Variants in EIF3K observed in about 807,000 individuals in gnomAD.
The protein encoded by EIF3K is eIF-3 p28.
In EIF3K, 27 loss-of-function variants were observed where a neutral mutation model predicts 34.2. The ratio of observed to expected loss-of-function variants is 0.79; its 90% CI spans 0.58 to 1.09. EIF3K has a LOEUF of 1.09. EIF3K is among the 50% of genes least tolerant of loss of function. EIF3K has a pLI of 0.00. For synonymous variants in EIF3K, 105 were observed against 105.7 expected (o/e 0.99, Z 0.04); for missense variants, 232 against 275.4 (o/e 0.84, Z 1.11).
At chr19:38,620,503 G>A in intron 2 of EIF3K, 68 bp downstream of exon 2, 1 of 1,343,170 alleles carries the variant, frequency 7.4e-7, no homozygotes, top group Non-Finnish European at 1.1e-6. Flanking sequence ...CCAGTACAGG[G>A]CAAGGGGGTG....
intron 1 of EIF3K, among the ~76,000 whole-genome samples, chr19:38,619,819 G>A (rs1975800195): frequency 6.6e-6 from 1 of 152,214 alleles, no homozygotes; most frequent in South Asian, 2.1e-4. Context: ...ATCAGACAGC[G>A]GCAGATCATG....
Position 38,636,876 on chromosome 19 carries a change from T to G in EIF3K, c.626-13T>G. ...CCCTTCTCACCTTCAGTCTGGTCTC[T>G]CCTTCCCCACAGGTGTGTCCAGCAT... is the stretch of plus-strand genomic sequence containing the variant. On this transcript the variant is annotated splice_polypyrimidine_tract_variant and intron_variant, in intron 7 of 7. Coordinates refer to ENST00000248342, the MANE Select transcript of EIF3K (RefSeq NM_013234.4). The G allele has an allele frequency of 6.2e-7, 1 of 1,614,164 alleles. No homozygotes were observed. The highest frequency in any genetic ancestry group is 1.1e-5 in the South Asian group (1 of 91,086).
intron 1 of EIF3K, 30 bp downstream of exon 1, chr19:38,619,357 G>C (rs1231944158): frequency 1.2e-6 from 2 of 1,612,542 alleles, no homozygotes; most frequent in Non-Finnish European, 1.7e-6. Flanking sequence ...AAGCGCTCTG[G>C]CCAAGCGGGG....
intron 4 of EIF3K, chr19:38,632,156 C>T: frequency 4.9e-6 from 2 of 410,936 alleles, no homozygotes; most frequent in Non-Finnish European, 8.9e-6. Context: ...TGGCTCACCC[C>T]TGTAATCCCA....
intron 7 of EIF3K, chr19:38,635,425 CGTT>C (rs2144785536): frequency 2.4e-6 from 1 of 422,726 alleles, no homozygotes; most frequent in Non-Finnish European, 4.2e-6. Flanking sequence ...AGGCCTGTCT[CGTT>C]GGCCATCTTT....
At chr19:38,633,567 G>A (rs1199053268) in intron 6 of EIF3K, among the ~76,000 whole-genome samples, 11 of 151,596 alleles carry the variant, frequency 7.3e-5, no homozygotes, top group African/African-American at 2.4e-4. Context: ...GTGTGGTGGC[G>A]TGCACCTGTA....
chr19:38,622,354 G>A (rs1205775996), intron 2 of EIF3K, among the ~76,000 whole-genome samples: 1 of 152,274 alleles, frequency 6.6e-6, no homozygotes, highest in Middle Eastern at 3.4e-3. Context: ...TTTAAAGCTG[G>A]GCGTCCGGGG....
chr19:38,636,857 T>A, intron 7 of EIF3K, 32 bp from the exon 8 acceptor site: 1 of 1,614,134 alleles, frequency 6.2e-7, no homozygotes, highest in Non-Finnish European at 8.5e-7. Context: ...CCCGCCCTTC[T>A]CACCTTCAGT....
chr19:38,635,023 AC>A lies in EIF3K; in HGVS notation c.531del (p.Tyr177Ter). 6.2e-7 allele frequency: 1 copy of A among 1,614,130 alleles called. No homozygotes were observed. The highest frequency in any genetic ancestry group is 8.5e-7 in the Non-Finnish European group (1 of 1,180,040). ...CAGCTAAAGGTGTGGATGAGCAAAT[AC>A]GGCTGGAGTGCCGACGAGTCGGGGC... ...DSQLKVWMSK[Y>X]GWSADESGQI... On this transcript the variant is annotated frameshift_variant, in exon 7 of 8. Coordinates refer to ENST00000248342, the MANE Select transcript of EIF3K (RefSeq NM_013234.4). LOFTEE classifies it high-confidence loss of function.
rs773019189 is a variant in EIF3K, at chr19:38,620,331, C to T, written c.60-6C>T. 8.1e-6 allele frequency: 13 copies of T among 1,613,330 alleles called. No individual in the cohort carries two copies. In the Admixed American group the frequency reaches 1.0e-4, roughly 12 times the overall value. ...TCTGTGCTCACCTATCTTGATTCTC[C>T]TTTAGGTACAATCCTGAGAACCTGG... On this transcript the variant is annotated splice_region_variant and splice_polypyrimidine_tract_variant and intron_variant, in intron 1 of 7. Coordinates refer to ENST00000248342, the MANE Select transcript of EIF3K (RefSeq NM_013234.4).
chr19:38,634,674 A>C (rs1976150045), intron 6 of EIF3K, among the ~76,000 whole-genome samples: 1 of 152,210 alleles, frequency 6.6e-6, no homozygotes, highest in East Asian at 1.9e-4. Context: ...GGTTGTGGGA[A>C]AAGGTAGATA....
chr19:38,622,509 C>T (rs1052112671), intron 2 of EIF3K, among the ~76,000 whole-genome samples: 7 of 152,184 alleles, frequency 4.6e-5, no homozygotes, highest in Non-Finnish European at 7.3e-5. Context: ...AATAGAATAT[C>T]ACAAGGCAAG....
rs1975945386 is a variant in EIF3K, at chr19:38,626,109, T to C, written c.354+7T>C. ...CCATTTCCAGGCCTTCTGGGTAACT[T>C]CCCTGGGGTCCAGGGGCAGGGGAGA... On this transcript the variant is annotated splice_region_variant and intron_variant, in intron 4 of 7. Coordinates refer to ENST00000248342, the MANE Select transcript of EIF3K (RefSeq NM_013234.4). 6.2e-7 allele frequency: 1 copy of C among 1,613,866 alleles called. No homozygotes were observed. The highest frequency in any genetic ancestry group is 8.5e-7 in the Non-Finnish European group (1 of 1,179,822).
rs932846736 is a variant in EIF3K at position 38,624,319 on chromosome 19, C to T, written c.279+122C>T. 14 of 1,463,136 alleles carry T rather than the reference C, an allele frequency of 9.6e-6. No individual in the cohort carries two copies. In the East Asian group the frequency reaches 1.9e-4, roughly 20 times the overall value. The allele number at this position is 1,463,136 out of a possible 1,614,324, so 90.6% of individuals were successfully genotyped here. On this transcript the variant is annotated intron_variant, in intron 3 of 7. Coordinates refer to ENST00000248342, the MANE Select transcript of EIF3K (RefSeq NM_013234.4). The stretch of plus-strand genomic sequence containing the variant: ...ACAACAAGTGCCTGCTCTGGTCCAG[C>T]GTGGCAAGGTGCTGGACAGTGCTGG...
intron 2 of EIF3K, among the ~76,000 whole-genome samples, chr19:38,622,516 C>T (rs938918965): frequency 6.6e-6 from 1 of 152,094 alleles, no homozygotes; most frequent in African/African-American, 2.4e-5. Context: ...TATCACAAGG[C>T]AAGTGGAGGC....
At chr19:38,626,209 G>T (rs1258524969) in intron 4 of EIF3K, 107 bp downstream of exon 4, 2 of 1,033,704 alleles carry the variant, frequency 1.9e-6, no homozygotes, top group Non-Finnish European at 1.5e-6. Context: ...TTGGCGGTGG[G>T]CCCAGTGCTC....
In EIF3K at chr19:38,620,434, C is replaced by G; in HGVS notation, c.157C>G (p.Leu53Val). ...GGAAGCCAACCTGGCTGTCCTGAAG[C>G]TGTAAGTGTCTAGCTCTCTGTCTAC... ...DLEANLAVLK[L>V]YQFNPAFFQT... Residue 53 changes from leucine to valine, a missense_variant and splice_region_variant, in exon 2 of 8, where the codon CTG (leucine) becomes GTG (valine). Leu to Val is a conservative substitution (Grantham distance 32). Transcript: ENST00000248342. The G allele has an allele frequency of 6.2e-7, 1 of 1,613,308 alleles. No individual in the cohort carries two copies. The highest frequency in any genetic ancestry group is 8.5e-7 in the Non-Finnish European group (1 of 1,179,604).
chr19:38,635,252 A>C, intron 7 of EIF3K, 134 bp downstream of exon 7: 3 of 1,311,912 alleles, frequency 2.3e-6, no homozygotes, highest in Non-Finnish European at 3.2e-6. Context: ...GCCAGATTCC[A>C]TTCACCTTGT....
At chr19:38,627,185 C>T (rs2144770386) in intron 4 of EIF3K, among the ~76,000 whole-genome samples, 1 of 152,032 alleles carries the variant, frequency 6.6e-6, no homozygotes, top group East Asian at 2.0e-4. Flanking sequence ...GGGGTTTTGC[C>T]ATGTTGTCCA....
Sources: allele counts gnomAD v4.1 joint callset (sites outside exome capture counted in the v4.1 genomes callset), GRCh38; gene constraint gnomAD v4.1.1; transcripts MANE v1.5; gene names NCBI Gene and HGNC (gene_info 2026-07-23, HGNC 2026-07-21).